Variants in VAPB observed in about 807,000 individuals in gnomAD.
VAPB encodes VAMP associated protein B and C, also known as vesicle-associated membrane protein-associated protein B/C.
VAPB carries 7 observed loss-of-function variants against 25.6 expected under a neutral mutation model. The ratio of observed to expected loss-of-function variants is 0.27; its 90% CI spans 0.16 to 0.51. The LOEUF (loss-of-function observed/expected upper bound fraction) is 0.51. VAPB is among the 20% of genes least tolerant of loss of function. The pLI, the probability that VAPB is intolerant of heterozygous loss-of-function variation, is 0.97. For synonymous variants in VAPB, 112 were observed against 109.2 expected (o/e 1.03, Z -0.16); for missense variants, 266 against 301.3 (o/e 0.88, Z 0.87).
intron 1 of VAPB, among the ~76,000 whole-genome samples, chr20:58,410,676 C>G (rs1988356234): frequency 6.6e-6 from 1 of 152,146 alleles, no homozygotes; most frequent in South Asian, 2.1e-4. Flanking sequence ...CCGCCCCACT[C>G]AGCCTCCCAA....
chr20:58,413,764 C>T (rs565062566), intron 1 of VAPB, among the ~76,000 whole-genome samples: 15 of 150,982 alleles, frequency 9.9e-5, no homozygotes, highest in Non-Finnish European at 2.1e-4. Context: ...GGCCGCTGGC[C>T]GGGCGGGGGG....
At chr20:58,418,746 A>C (rs1240738836) in intron 2 of VAPB, among the ~76,000 whole-genome samples, 1 of 152,208 alleles carries the variant, frequency 6.6e-6, no homozygotes, top group African/African-American at 2.4e-5. Flanking sequence ...TTGTGGGAGA[A>C]AGCTAAATGG....
chr20:58,399,579 G>C (rs1428679443), intron 1 of VAPB, among the ~76,000 whole-genome samples: 2 of 152,020 alleles, frequency 1.3e-5, no homozygotes. Flanking sequence ...AACCAGGCTT[G>C]GTGGTGTATG....
At chr20:58,434,249 T>A (rs1469040665) in intron 2 of VAPB, among the ~76,000 whole-genome samples, 12 of 152,206 alleles carry the variant, frequency 7.9e-5, no homozygotes, top group Admixed American at 7.9e-4. Flanking sequence ...TTTGGATATG[T>A]TTTCTTGAGC....
At chr20:58,430,691 T>C (rs1226632814) in intron 2 of VAPB, among the ~76,000 whole-genome samples, 1 of 152,180 alleles carries the variant, frequency 6.6e-6, no homozygotes, top group Non-Finnish European at 1.5e-5. Flanking sequence ...TTCTCCTGCC[T>C]CAGCCTCCTG....
chr20:58,402,542 A>AG (rs1051029612), intron 1 of VAPB, among the ~76,000 whole-genome samples: 1 of 147,332 alleles, frequency 6.8e-6, no homozygotes, highest in African/African-American at 2.5e-5. Flanking sequence ...TTTCGCTGTT[A>AG]GTCAGCAAGC....
At chr20:58,406,057 A>G (rs1730803836) in intron 1 of VAPB, among the ~76,000 whole-genome samples, 1 of 152,078 alleles carries the variant, frequency 6.6e-6, no homozygotes, top group Admixed American at 6.6e-5. Context: ...TACTGAGATG[A>G]GAAGCATTGA....
intron 1 of VAPB, among the ~76,000 whole-genome samples, chr20:58,397,153 A>G (rs1422597879): frequency 6.6e-6 from 1 of 152,260 alleles, no homozygotes; most frequent in Non-Finnish European, 1.5e-5. Context: ...AGATGACTCC[A>G]AAGAATGTTT....
In VAPB at chr20:58,434,722, T is replaced by G. The variant is rs1437530296; in HGVS notation, c.315+17T>G. Reference sequence around the variant, plus strand: ...GAAGCAGTAGTAAGTACTGAATGCTTCTTATTTTTTTCAGTAACAATAATT... The same window carrying G: ...GAAGCAGTAGTAAGTACTGAATGCTGCTTATTTTTTTCAGTAACAATAATT... On this transcript the variant is annotated intron_variant, in intron 3 of 5. Transcript: ENST00000475243. 1.6e-6 allele frequency: 2 copies of G among 1,240,320 alleles called. No individual in the cohort carries two copies. Among genetic ancestry groups the G allele is most frequent in the Admixed American group, 1.7e-5 (1 of 59,488 alleles). 76.8% of individuals were successfully genotyped at this position (1,240,320 alleles called of 1,614,324 possible). A position where few individuals can be genotyped will look rare whatever the true frequency, so the allele number is the denominator to read the frequency against.
rs1177861211 is a variant in VAPB, at chr20:58,445,875, C to T, written c.*1640C>T. ...GGAACCATGCCATTGAGACTAGTAA[C>T]GGGCGTTCTGGGCACAGTCCCACTG... is the stretch of plus-strand genomic sequence containing the variant. On this transcript the variant is annotated 3_prime_UTR_variant, in exon 6 of 6. Transcript: ENST00000475243. 8.8e-6 allele frequency: 4 copies of T among 453,840 alleles called. No individual in the cohort carries two copies. Among genetic ancestry groups the T allele is most frequent in the African/African-American group, 4.0e-5 (2 of 49,970 alleles). The allele number at this position is 453,840 out of a possible 1,614,324, so 28.1% of individuals were successfully genotyped here. A position where few individuals can be genotyped will look rare whatever the true frequency, so the allele number is the denominator to read the frequency against.
chr20:58,414,401 G>T (rs1187803872), intron 1 of VAPB, among the ~76,000 whole-genome samples: 2 of 150,736 alleles, frequency 1.3e-5, no homozygotes, highest in East Asian at 2.0e-4. Flanking sequence ...GGTGGCCGCC[G>T]GGCGGAGAGG....
At position 58,389,354 on chromosome 20, in the gene VAPB, G is replaced by A; in HGVS notation, c.-106G>A. On this transcript the variant is annotated 5_prime_UTR_variant, in exon 1 of 6. Transcript: ENST00000475243. The stretch of plus-strand genomic sequence containing the variant: ...GAGGACCCCCGCCCGTGCCCCGACC[G>A]GTCCCCGCCTTTTTGTAAAACTTAA... 1.5e-6 allele frequency: 1 copy of A among 675,472 alleles called. No individual in the cohort carries two copies. The highest frequency in any genetic ancestry group is 1.7e-5 in the South Asian group (1 of 59,878). The allele number at this position is 675,472 out of a possible 1,614,324, so 41.8% of individuals were successfully genotyped here.
Position 58,440,632 on chromosome 20 carries a change from A to G in VAPB, c.397-275A>G, listed in dbSNP as rs1453617913. On this transcript the variant is annotated intron_variant, in intron 4 of 5. Coordinates refer to ENST00000475243, the MANE Select transcript of VAPB (RefSeq NM_004738.5). ...CTGATTTTTCCGTGGCAGGAATTTGATAGTGCAATATACACAGCCCTTTTT... is the reference window on the plus strand; with the variant it reads ...CTGATTTTTCCGTGGCAGGAATTTGGTAGTGCAATATACACAGCCCTTTTT... The G allele has an allele frequency of 1.7e-5, 6 of 344,102 alleles. 1 individual carries two copies. The highest frequency in any genetic ancestry group is 2.7e-5 in the South Asian group (1 of 37,694). The allele number at this position is 344,102 out of a possible 1,614,324, so 21.3% of individuals were successfully genotyped here.
intron 4 of VAPB, chr20:58,440,703 C>G: frequency 2.0e-6 from 1 of 506,802 alleles, no homozygotes; most frequent in Non-Finnish European, 3.5e-6. Flanking sequence ...ATTATTTGCC[C>G]TTATCCATAA....
At chr20:58,413,591 C>T (rs1356334417) in intron 1 of VAPB, among the ~76,000 whole-genome samples, 7 of 152,032 alleles carry the variant, frequency 4.6e-5, no homozygotes, top group Non-Finnish European at 1.0e-4. Flanking sequence ...ATCTTTTCCC[C>T]ACCTTTCCCG....
At chr20:58,390,341 G>A (rs150390824) in intron 1 of VAPB, 2 of 150,226 alleles carry the variant, frequency 1.3e-5, no homozygotes, top group Non-Finnish European at 3.0e-5. Context: ...TATTACCTCT[G>A]TAATTTGTGC....
In VAPB at chr20:58,446,966, C is replaced by T. The variant is rs1989307819; in HGVS notation, c.*2731C>T. 2 of 453,978 alleles carry T rather than the reference C, an allele frequency of 4.4e-6. No individual in the cohort carries two copies. The highest frequency in any genetic ancestry group is 1.6e-5 in the South Asian group (1 of 64,474). The allele number at this position is 453,978 out of a possible 1,614,324, so 28.1% of individuals were successfully genotyped here. A position where few individuals can be genotyped will look rare whatever the true frequency, so the allele number is the denominator to read the frequency against. Reference sequence around the variant, plus strand: ...ATGGGGCCTGTCACAACGGCCTGCCCTGCCCCAAGAGGGTTAAGAGTCAGA... The same window carrying T: ...ATGGGGCCTGTCACAACGGCCTGCCTTGCCCCAAGAGGGTTAAGAGTCAGA... On this transcript the variant is annotated 3_prime_UTR_variant, in exon 6 of 6. Coordinates refer to ENST00000475243, the MANE Select transcript of VAPB (RefSeq NM_004738.5).
At chr20:58,417,446 A>G (rs1044329815) in intron 1 of VAPB, among the ~76,000 whole-genome samples, 2 of 152,250 alleles carry the variant, frequency 1.3e-5, no homozygotes, top group African/African-American at 4.8e-5. Context: ...TTTAAGAAGC[A>G]TGTTTTACTT....
intron 2 of VAPB, among the ~76,000 whole-genome samples, chr20:58,427,769 G>GCA: frequency 6.6e-6 from 1 of 150,648 alleles, no homozygotes; most frequent in Admixed American, 6.6e-5. Context: ...TGATGCAGAT[G>GCA]AAAGTGATCT....
Sources: gnomAD v4.1 joint callset for allele counts (sites outside exome capture counted in the v4.1 genomes callset) on GRCh38, gnomAD v4.1.1 for gene constraint, MANE v1.5 for transcripts, NCBI Gene and HGNC (gene_info 2026-07-23, HGNC 2026-07-21) for gene names.